UPK1B: variants seen among roughly 807,000 people sequenced by gnomAD.
UPK1B encodes the protein uroplakin 1B.
UPK1B carries 28 observed loss-of-function variants against 34.2 expected under a neutral mutation model. The ratio of observed to expected loss-of-function variants is 0.82; its 90% CI spans 0.61 to 1.12. The LOEUF is 1.12. Among genes scored for constraint, UPK1B ranks in the 50% most tolerant of loss-of-function variants. The pLI, the probability that UPK1B is intolerant of heterozygous loss-of-function variation, is 0.00. For missense variants in UPK1B, 325 were observed against 320.9 expected (o/e 1.01, Z -0.10); for synonymous variants, 81 against 110.4 (o/e 0.73, Z 1.67).
chr3:119,174,766 C>G (rs1011664226), intron 1 of UPK1B, among the ~76,000 whole-genome samples: 1 of 151,994 alleles, frequency 6.6e-6, no homozygotes, highest in African/African-American at 2.4e-5. Flanking sequence ...TTTTCAGACC[C>G]TATGAAGAAG....
rs71297415 is a variant in UPK1B at position 119,179,507 on chromosome 3, C to CTTTTTTTTTTTTTTTTTTTT, written c.-29+5870_-29+5889dup. 2.5e-4 allele frequency among the ~76,000 whole-genome samples: 13 copies of CTTTTTTTTTTTTTTTTTTTT among 52,254 alleles called. 4 individuals carry two copies. Among genetic ancestry groups the CTTTTTTTTTTTTTTTTTTTT allele is most frequent in the African/African-American group, 9.1e-4 (13 of 14,280 alleles). The allele number at this position is 52,254 out of a possible 152,430, so 34.3% of individuals were successfully genotyped here. Reference sequence around the variant, plus strand: ...TTTGGGGAAGAGTTGATGTTGCAGTCTTTTTTTTTTTTTTTTTTTTGAGAC... The same window carrying CTTTTTTTTTTTTTTTTTTTT: ...TTTGGGGAAGAGTTGATGTTGCAGTCTTTTTTTTTTTTTTTTTTTTTTTTTTTTTTTTTTTTTTTTGAGAC... On this transcript the variant is annotated intron_variant, in intron 1 of 7. Transcript: ENST00000264234.
Position 119,194,281 on chromosome 3 carries a change from T to C in UPK1B, c.531T>C (p.Thr177=), listed in dbSNP as rs1219043794. 1 of 1,613,414 alleles carries C rather than the reference T, an allele frequency of 6.2e-7. No homozygotes were observed. Among genetic ancestry groups the C allele is most frequent in the Non-Finnish European group, 8.5e-7 (1 of 1,179,484 alleles). ...DWQKYTSAFR[T]ENNDADYPWP... is the part of the protein sequence containing the mutation. Reference sequence around the variant, plus strand: ...AAAAATACACATCTGCCTTCCGGACTGAGAATAATGATGCTGACTATCCCT... The same window carrying C: ...AAAAATACACATCTGCCTTCCGGACCGAGAATAATGATGCTGACTATCCCT... The change falls in exon 6 of 8, where the codon ACT becomes ACC. Residue 177 remains threonine, a synonymous_variant. Transcript: ENST00000264234.
In UPK1B at chr3:119,202,854, T is replaced by C. The variant is rs375230207; in HGVS notation, c.733-1063T>C. Among the ~76,000 whole-genome samples the C allele has an allele frequency of 2.4e-4, 36 of 152,232 alleles. 1 individual carries two copies. In the East Asian group the frequency reaches 5.8e-3, roughly 24 times the overall value. ...GGCATTGGAGGATAAGTGGCCTTGA[T>C]GGCAAAAAGAGTTTAGCACAGACGA... is the stretch of plus-strand genomic sequence containing the variant. On this transcript the variant is annotated intron_variant, in intron 7 of 7. Coordinates refer to ENST00000264234, the MANE Select transcript of UPK1B (RefSeq NM_006952.4).
intron 2 of UPK1B, among the ~76,000 whole-genome samples, chr3:119,187,499 GA>G (rs955682449): frequency 1.4e-4 from 21 of 152,182 alleles, no homozygotes; most frequent in African/African-American, 5.1e-4. Flanking sequence ...TCTCATACCA[GA>G]AAGCATTGTT....
chr3:119,183,896 T>C (rs2078001270), intron 1 of UPK1B, among the ~76,000 whole-genome samples: 1 of 152,184 alleles, frequency 6.6e-6, no homozygotes, highest in African/African-American at 2.4e-5. Context: ...TAAATTATCA[T>C]GTGCCATTGA....
intron 7 of UPK1B, among the ~76,000 whole-genome samples, chr3:119,201,578 A>C (rs1381743649): frequency 6.6e-6 from 1 of 152,106 alleles, no homozygotes; most frequent in African/African-American, 2.4e-5. Context: ...ACATGTGGGG[A>C]TTATAGGAGC....
chr3:119,187,936 T>C lies in UPK1B; in HGVS notation c.231T>C (p.Ile77=). The C allele has an allele frequency of 1.9e-6, 3 of 1,614,134 alleles. No homozygotes were observed. Among genetic ancestry groups the C allele is most frequent in the Admixed American group, 1.7e-5 (1 of 60,016 alleles). ...ICLFCLSVLG[I]VGIMKSSRKI... The stretch of plus-strand genomic sequence containing the variant: ...TCTTCTGCCTGTCTGTTCTAGGCAT[T>C]GTAGGCATCATGAAGTCCAGCAGGA... The change falls in exon 3 of 8, where the codon ATT becomes ATC. Residue 77 remains isoleucine (I), a synonymous_variant. Transcript: ENST00000264234.
At chr3:119,183,390 T>C (rs954109872) in intron 1 of UPK1B, among the ~76,000 whole-genome samples, 2 of 151,810 alleles carry the variant, frequency 1.3e-5, no homozygotes, top group African/African-American at 4.8e-5. Flanking sequence ...GCCTCCCAAG[T>C]AGCTGGGATT....
chr3:119,187,763 A>T lies in UPK1B; in HGVS notation c.70-12A>T. 6.2e-7 allele frequency: 1 copy of T among 1,602,932 alleles called. No individual in the cohort carries two copies. ...GCACTCCTGATGGAGCCCACCTTTC[A>T]TTTGCCCCCAGTGTTGCGGCATTGC... On this transcript the variant is annotated splice_polypyrimidine_tract_variant and intron_variant, in intron 2 of 7. Coordinates refer to ENST00000264234, the MANE Select transcript of UPK1B (RefSeq NM_006952.4).
intron 1 of UPK1B, among the ~76,000 whole-genome samples, chr3:119,178,845 G>A (rs1208355966): frequency 6.6e-6 from 1 of 152,172 alleles, no homozygotes; most frequent in Non-Finnish European, 1.5e-5. Flanking sequence ...CACCATGGAA[G>A]CACTGTATGG....
chr3:119,174,119 T>C (rs1315374737), intron 1 of UPK1B, among the ~76,000 whole-genome samples: 1 of 152,244 alleles, frequency 6.6e-6, no homozygotes, highest in Non-Finnish European at 1.5e-5. Context: ...TTGGTCTTCT[T>C]GTCAGAAATC....
intron 7 of UPK1B, 101 bp downstream of exon 7, chr3:119,199,241 C>A (rs189329450): frequency 1.5e-6 from 2 of 1,358,820 alleles, no homozygotes; most frequent in Non-Finnish European, 2.0e-6. Flanking sequence ...AGTCTAGAAA[C>A]AAAACCTCAG....
Position 119,205,059 on chromosome 3 carries a change from CTA to C in UPK1B, c.*1094_*1095del, listed in dbSNP as rs745452698. The C allele has an allele frequency of 7.2e-5, 11 of 152,284 alleles. No individual in the cohort carries two copies. The highest frequency in any genetic ancestry group is 2.4e-4 in the African/African-American group (10 of 41,554). The allele number at this position is 152,284 out of a possible 1,614,324, so 9.4% of individuals were successfully genotyped here. On this transcript the variant is annotated 3_prime_UTR_variant, in exon 8 of 8. Coordinates refer to ENST00000264234, the MANE Select transcript of UPK1B (RefSeq NM_006952.4). ...ACTGTCAAAATATTTCTCATCTGCA[CTA>C]TGTTTCCATTTGTGGTCCTGAAGGA...
chr3:119,193,163 A>G (rs188311726), intron 5 of UPK1B, among the ~76,000 whole-genome samples: 2 of 152,304 alleles, frequency 1.3e-5, no homozygotes, highest in East Asian at 3.9e-4. Context: ...CTTTACCCAA[A>G]TCTGAAGCTT....
chr3:119,204,672 T>C lies in UPK1B; in HGVS notation c.*705T>C, dbSNP rs1414347638. 1.3e-5 allele frequency: 2 copies of C among 151,686 alleles called. No individual in the cohort carries two copies. Among genetic ancestry groups the C allele is most frequent in the Non-Finnish European group, 2.9e-5 (2 of 67,940 alleles). 9.4% of individuals were successfully genotyped at this position (151,686 alleles called of 1,614,324 possible). A position where few individuals can be genotyped will look rare whatever the true frequency, so the allele number is the denominator to read the frequency against. On this transcript the variant is annotated 3_prime_UTR_variant, in exon 8 of 8. Transcript: ENST00000264234. ...TGGGCAGATCACCTGAGGTCAGGAG[T>C]TCAAGACCAGCCTGGCCAACATGGT...
chr3:119,194,521 A>C, intron 6 of UPK1B, 123 bp downstream of exon 6: 1 of 937,176 alleles, frequency 1.1e-6, no homozygotes, highest in Non-Finnish European at 1.5e-6. Flanking sequence ...CCTAAACCTC[A>C]TGTTAACTAT....
chr3:119,175,471 G>A (rs1223759567), intron 1 of UPK1B, among the ~76,000 whole-genome samples: 5 of 152,064 alleles, frequency 3.3e-5, no homozygotes, highest in South Asian at 2.1e-4. Flanking sequence ...TCACCAACTG[G>A]GACAGAGACC....
intron 7 of UPK1B, among the ~76,000 whole-genome samples, chr3:119,201,539 C>G (rs1452339182): frequency 1.3e-5 from 2 of 152,140 alleles, no homozygotes; most frequent in African/African-American, 4.8e-5. Flanking sequence ...TCGCATGATT[C>G]AATTATTTCC....
intron 4 of UPK1B, 51 bp from the exon 5 acceptor site, chr3:119,190,931 T>G (rs1169167208): frequency 6.2e-7 from 1 of 1,603,554 alleles, no homozygotes; most frequent in Non-Finnish European, 8.5e-7. Flanking sequence ...TTCCTCTCCT[T>G]GAAAATTAGC....
Sources: allele counts gnomAD v4.1 joint callset (sites outside exome capture counted in the v4.1 genomes callset), GRCh38; gene constraint gnomAD v4.1.1; transcripts MANE v1.5; gene names NCBI Gene and HGNC (gene_info 2026-07-23, HGNC 2026-07-21).